Variants in PRKACB observed in about 807,000 individuals in gnomAD.
PRKACB encodes protein kinase cAMP-activated catalytic subunit beta.
Under a neutral mutation model 51.4 loss-of-function variants are expected in PRKACB, and 16 were observed. The ratio of observed to expected loss-of-function variants is 0.31; its 90% CI spans 0.21 to 0.47. The LOEUF (loss-of-function observed/expected upper bound fraction) is 0.47. PRKACB is among the 20% of genes least tolerant of loss of function. PRKACB has a pLI of 1.00. For missense variants in PRKACB, 309 were observed against 464.5 expected (o/e 0.67, Z 3.08); for synonymous variants, 147 against 154.4 (o/e 0.95, Z 0.35).
chr1:84,158,787 A>G (rs941873219), intron 1 of PRKACB, among the ~76,000 whole-genome samples: 4 of 152,116 alleles, frequency 2.6e-5, no homozygotes, highest in African/African-American at 7.2e-5. Context: ...TCCTTCTAAA[A>G]GTCTATTTTT....
chr1:84,162,476 C>T (rs1041217981), intron 1 of PRKACB, among the ~76,000 whole-genome samples: 1 of 151,964 alleles, frequency 6.6e-6, no homozygotes, highest in Non-Finnish European at 1.5e-5. Context: ...CACTTTTCTC[C>T]TGTCTTTTTC....
At chr1:84,199,061 GTA>G (rs1177211057) in intron 7 of PRKACB, among the ~76,000 whole-genome samples, 44 of 48,926 alleles carry the variant, frequency 9.0e-4, no homozygotes, top group African/African-American at 1.8e-3. Flanking sequence ...ATATATATGC[GTA>G]TATATGCATA....
intron 9 of PRKACB, among the ~76,000 whole-genome samples, chr1:84,230,474 C>T (rs1675438865): frequency 6.6e-6 from 1 of 152,102 alleles, no homozygotes; most frequent in Admixed American, 6.6e-5. Context: ...TGAAGAAAGT[C>T]ATTGGTAGCT....
intron 1 of PRKACB, among the ~76,000 whole-genome samples, chr1:84,115,158 T>C (rs1311548041): frequency 6.6e-6 from 1 of 152,068 alleles, no homozygotes; most frequent in African/African-American, 2.4e-5. Flanking sequence ...TACAAAAATG[T>C]ATAAGAATTC....
intron 1 of PRKACB, among the ~76,000 whole-genome samples, chr1:84,162,682 C>T (rs1188092404): frequency 6.6e-6 from 1 of 151,900 alleles, no homozygotes. Context: ...TTGTTCATTA[C>T]TGTCGTGTTT....
intron 7 of PRKACB, among the ~76,000 whole-genome samples, chr1:84,199,299 C>T (rs910964206): frequency 6.6e-6 from 1 of 151,894 alleles, no homozygotes; most frequent in Non-Finnish European, 1.5e-5. Flanking sequence ...CCTCTCCCTC[C>T]TCCCTACCTC....
chr1:84,105,511 A>T (rs1201080850), intron 1 of PRKACB, among the ~76,000 whole-genome samples: 2 of 152,080 alleles, frequency 1.3e-5, no homozygotes, highest in Non-Finnish European at 2.9e-5. Flanking sequence ...AATCTACCAG[A>T]ATCCTAGCAT....
intron 5 of PRKACB, among the ~76,000 whole-genome samples, chr1:84,195,473 G>A (rs925879042): frequency 6.6e-6 from 1 of 152,150 alleles, no homozygotes; most frequent in Non-Finnish European, 1.5e-5. Flanking sequence ...AAACAAATCT[G>A]AAAGTCATTG....
At chr1:84,178,101 T>C (rs182681894) in intron 1 of PRKACB, among the ~76,000 whole-genome samples, 395 of 152,184 alleles carry the variant, frequency 2.6e-3, no homozygotes, top group African/African-American at 9.0e-3. Flanking sequence ...AAAGCCTTTT[T>C]GGTTAGTAAC....
Position 84,144,419 on chromosome 1 carries a change from C to T in PRKACB, c.58C>T (p.Gln20Ter), listed in dbSNP as rs372658798. The change falls in exon 1 of 10, where the codon CAG (glutamine) becomes TAG (stop). Residue 20 changes from glutamine (Q) to a stop codon, truncating the protein, a stop_gained. Coordinates refer to ENST00000370685, the MANE Select transcript of PRKACB (RefSeq NM_182948.4). LOFTEE classifies it high-confidence loss of function. ...NQYTGTTTALQKLEGFASRLF... is the reference protein window; with the variant it reads ...NQYTGTTTAL ...GTATACAGGTACAACTACAGCTCTT[C>T]AGAAATTGGAAGGTTTTGCTAGCCG... 3.1e-6 allele frequency: 5 copies of T among 1,613,268 alleles called. No homozygotes were observed. In the African/African-American group the frequency reaches 4.0e-5, roughly 13 times the overall value.
At chr1:84,171,957 C>T (rs1659651211) in intron 1 of PRKACB, among the ~76,000 whole-genome samples, 1 of 151,528 alleles carries the variant, frequency 6.6e-6, no homozygotes, top group South Asian at 2.1e-4. Context: ...AGGTATAAAT[C>T]TAATAAAAGT....
intron 1 of PRKACB, among the ~76,000 whole-genome samples, chr1:84,086,508 C>G (rs748823943): frequency 6.6e-6 from 1 of 152,196 alleles, no homozygotes; most frequent in African/African-American, 2.4e-5. Flanking sequence ...CCACAGCACT[C>G]CTGGTCAGGC....
chr1:84,229,080 C>T (rs547680650), intron 9 of PRKACB, among the ~76,000 whole-genome samples: 2 of 121,172 alleles, frequency 1.7e-5, no homozygotes, highest in Admixed American at 8.9e-5. Flanking sequence ...ATCCCTCCCC[C>T]CTCCCCCCAC....
chr1:84,113,171 T>G (rs933239404), intron 1 of PRKACB, among the ~76,000 whole-genome samples: 1 of 152,170 alleles, frequency 6.6e-6, no homozygotes, highest in Non-Finnish European at 1.5e-5. Flanking sequence ...TTCACCAGAT[T>G]AGCAAAGATG....
intron 1 of PRKACB, chr1:84,174,943 AGTATT>A (rs1345798083): frequency 1.7e-6 from 2 of 1,183,930 alleles, no homozygotes; most frequent in Non-Finnish European, 2.3e-6. Flanking sequence ...TTCTGTATAT[AGTATT>A]CTGAAAAAAT....
chr1:84,217,958 C>G lies in PRKACB; in HGVS notation c.1071+3641C>G, dbSNP rs1042279904. Among the ~76,000 whole-genome samples, 16 of 152,248 alleles carry G rather than the reference C, an allele frequency of 1.1e-4. No homozygotes were observed. The South Asian group carries it at 3.3e-3, about 32-fold the overall frequency. On this transcript the variant is annotated intron_variant, in intron 9 of 9. Transcript: ENST00000370685. ...ATTTGGCCTCTTATTTGAAATTCTACCTTTACTAATATTAAATTAATATAT... is the reference window on the plus strand; with the variant it reads ...ATTTGGCCTCTTATTTGAAATTCTAGCTTTACTAATATTAAATTAATATAT...
chr1:84,146,701 C>CA (rs573237345), intron 1 of PRKACB, among the ~76,000 whole-genome samples: 1 of 151,524 alleles, frequency 6.6e-6, no homozygotes, highest in Non-Finnish European at 1.5e-5. Context: ...CATCAATTTA[C>CA]AAAAAAAATT....
At chr1:84,105,301 C>A (rs1313338809) in intron 1 of PRKACB, among the ~76,000 whole-genome samples, 2 of 152,132 alleles carry the variant, frequency 1.3e-5, no homozygotes, top group Non-Finnish European at 2.9e-5. Flanking sequence ...CCATCCAATT[C>A]ATTTCCACCC....
At chr1:84,219,672 TATCC>T (rs1404852828) in intron 9 of PRKACB, among the ~76,000 whole-genome samples, 2 of 151,008 alleles carry the variant, frequency 1.3e-5, no homozygotes, top group African/African-American at 4.9e-5. Context: ...TGCATATGGA[TATCC>T]AGTTTTTCCG....
Sources: gnomAD v4.1 joint callset for allele counts (sites outside exome capture counted in the v4.1 genomes callset) on GRCh38, gnomAD v4.1.1 for gene constraint, MANE v1.5 for transcripts, NCBI Gene and HGNC (gene_info 2026-07-23, HGNC 2026-07-21) for gene names.